The following GRID1 variants were observed in gnomAD, a reference collection of about 807,000 sequenced individuals.
GRID1 encodes glutamate receptor ionotropic, delta-1.
A neutral mutation model predicts 98.0 loss-of-function variants in GRID1; 28 were observed. The observed-to-expected ratio is 0.29, with a 90% CI of 0.21 to 0.39. The LOEUF is 0.39. Among genes scored for constraint, GRID1 ranks in the 10% least tolerant of loss-of-function variants. The pLI, the probability that GRID1 is intolerant of heterozygous loss-of-function variation, is 1.00. For synonymous variants in GRID1, 553 were observed against 538.5 expected, an observed-to-expected ratio of 1.03 and a Z score of -0.37; for missense variants, 1,111 against 1,340.5, an observed-to-expected ratio of 0.83 and a Z score of 2.67.
chr10:86,272,212 A>G (rs1245809640), intron 2 of GRID1, among the ~76,000 whole-genome samples: 1 of 152,208 alleles, frequency 6.6e-6, no homozygotes, highest in African/African-American at 2.4e-5. Flanking sequence ...GGAGAACGGC[A>G]GAGTAGACAG....
At chr10:86,138,782 C>A (rs759222268) in intron 4 of GRID1, 37 bp downstream of exon 4, 2 of 1,531,856 alleles carry the variant, frequency 1.3e-6, no homozygotes, top group South Asian at 2.2e-5. Context: ...GAGCCCTGGG[C>A]ACCAGGCCCC....
intron 5 of GRID1, among the ~76,000 whole-genome samples, chr10:85,885,305 A>T (rs570878518): frequency 6.6e-6 from 1 of 152,320 alleles, no homozygotes; most frequent in East Asian, 1.9e-4. Context: ...AAGGAAGGGG[A>T]TAAGATGTGA....
intron 5 of GRID1, among the ~76,000 whole-genome samples, chr10:85,898,502 T>C (rs1411317870): frequency 6.6e-6 from 1 of 152,226 alleles, no homozygotes; most frequent in East Asian, 1.9e-4. Flanking sequence ...ACTCCTATAG[T>C]AACACTTAGT....
At chr10:85,751,035 G>T (rs754476218) in intron 8 of GRID1, among the ~76,000 whole-genome samples, 1 of 152,200 alleles carries the variant, frequency 6.6e-6, no homozygotes, top group Non-Finnish European at 1.5e-5. Flanking sequence ...GATAGAAATA[G>T]AATGTGTTGG....
At chr10:86,112,698 T>G (rs940993371) in intron 4 of GRID1, among the ~76,000 whole-genome samples, 1 of 152,152 alleles carries the variant, frequency 6.6e-6, no homozygotes, top group African/African-American at 2.4e-5. Context: ...ACGGGCCTTC[T>G]CCACAACACA....
At position 85,613,561 on chromosome 10, in the gene GRID1, T is replaced by C. The variant is rs1395736642; in HGVS notation, c.2447A>G (p.His816Arg). 1 of 1,614,190 alleles carries C rather than the reference T, an allele frequency of 6.2e-7. No homozygotes were observed. Among genetic ancestry groups the C allele is most frequent in the African/African-American group, 1.3e-5 (1 of 75,078 alleles). ...PHMGRCDLTSHASAQADGKSL... is the reference protein window; with the variant it reads ...PHMGRCDLTSRASAQADGKSL... ...TTTGCCGTCGGCCTGGGCGCTGGCA[T>C]GGCTGGTGAGGTCACAGCGGCCCAT... Residue 816 changes from histidine (H) to arginine (R), a missense_variant, in exon 15 of 16, where the codon CAT (histidine) becomes CGT (arginine). Physicochemically the swap from His to Arg is conservative, Grantham distance 29. Transcript: ENST00000327946.
intron 4 of GRID1, among the ~76,000 whole-genome samples, chr10:85,999,074 G>A (rs147326957): frequency 0.012 from 1,794 of 152,224 alleles, 31 homozygotes; most frequent in African/African-American, 0.041. Flanking sequence ...CTAGCTGGAT[G>A]TGGTGGTGCA....
chr10:85,673,401 A>G (rs78062586), intron 12 of GRID1, among the ~76,000 whole-genome samples: 2,887 of 152,344 alleles, frequency 0.019, 97 homozygotes, highest in African/African-American at 0.067. Context: ...TTCTACTGTG[A>G]GTAAAATGGT....
chr10:86,364,028 G>A lies in GRID1; in HGVS notation c.148C>T (p.Leu50Phe), dbSNP rs768237086. The change falls in exon 2 of 16, where the codon CTC (leucine) becomes TTC (phenylalanine). Residue 50 changes from leucine to phenylalanine, a missense_variant. Around this residue, in one of 3 missense-constraint regions of GRID1, gnomAD observed 346 missense variants for 452.3 expected, o/e 0.76. Coordinates refer to ENST00000327946, the MANE Select transcript of GRID1 (RefSeq NM_017551.3). Reference sequence around the variant, plus strand: ...TCGCTCTGCAGGATGTCATCGTTGAGGCTCAGGTCGGATACCGCCAACTGG... The same window carrying A: ...TCGCTCTGCAGGATGTCATCGTTGAAGCTCAGGTCGGATACCGCCAACTGG... ...VFQLAVSDLS[L>F]NDDILQSEKI... is the part of the protein sequence containing the mutation. The A allele has an allele frequency of 6.2e-7, 1 of 1,613,728 alleles. No homozygotes were observed. Among genetic ancestry groups the A allele is most frequent in the South Asian group, 1.1e-5 (1 of 91,082 alleles).
At chr10:85,647,052 G>C (rs552212519) in intron 13 of GRID1, 150 bp downstream of exon 13, 14 of 682,798 alleles carry the variant, frequency 2.1e-5, no homozygotes, top group Non-Finnish European at 3.4e-5. Context: ...TTCTGAAAGG[G>C]CATCCACCTA....
chr10:85,993,883 T>C (rs528657687), intron 4 of GRID1, among the ~76,000 whole-genome samples: 303 of 149,784 alleles, frequency 2.0e-3, no homozygotes, highest in Non-Finnish European at 3.7e-3. Flanking sequence ...TCTCTGATGA[T>C]GTTCAGTAGA....
intron 2 of GRID1, among the ~76,000 whole-genome samples, chr10:86,312,152 A>T (rs1180413953): frequency 6.6e-6 from 1 of 152,224 alleles, no homozygotes; most frequent in African/African-American, 2.4e-5. Flanking sequence ...ATGTGGGTGA[A>T]AACAAGGCAA....
At chr10:85,818,507 GAAATAAGCCAGATACCAATA>G (rs1842735283) in intron 8 of GRID1, among the ~76,000 whole-genome samples, 1 of 152,148 alleles carries the variant, frequency 6.6e-6, no homozygotes, top group African/African-American at 2.4e-5. Flanking sequence ...AAATACCACT[GAAATAAGCCAGATACCAATA>G]AAATAAGCCA....
chr10:86,174,788 C>T (rs7910235), intron 3 of GRID1, among the ~76,000 whole-genome samples: 63,515 of 148,156 alleles, frequency 0.43, 16,645 homozygotes, highest in African/African-American at 0.73. Flanking sequence ...CTCAAACAAA[C>T]TTACAAGAAA....
chr10:86,184,533 T>G (rs769123107), intron 3 of GRID1, among the ~76,000 whole-genome samples: 2 of 151,938 alleles, frequency 1.3e-5, no homozygotes, highest in African/African-American at 2.4e-5. Context: ...TATTTATTCT[T>G]TCTTCACTGA....
At chr10:86,053,651 G>C (rs1055144114) in intron 4 of GRID1, among the ~76,000 whole-genome samples, 1 of 152,140 alleles carries the variant, frequency 6.6e-6, no homozygotes, top group Admixed American at 6.5e-5. Context: ...ACCATGCCTG[G>C]CCTTTACTGC....
At chr10:86,065,987 T>G (rs1843714661) in intron 4 of GRID1, among the ~76,000 whole-genome samples, 1 of 152,234 alleles carries the variant, frequency 6.6e-6, no homozygotes, top group South Asian at 2.1e-4. Context: ...CCTGACATTA[T>G]TTTAAATTCT....
intron 8 of GRID1, among the ~76,000 whole-genome samples, chr10:85,778,983 C>T (rs1842358457): frequency 6.6e-6 from 1 of 152,184 alleles, no homozygotes; most frequent in Non-Finnish European, 1.5e-5. Flanking sequence ...GAGAAGAAAG[C>T]AGCTATGAAG....
chr10:86,334,611 A>C (rs1195697562), intron 2 of GRID1, among the ~76,000 whole-genome samples: 2 of 152,218 alleles, frequency 1.3e-5, no homozygotes, highest in Non-Finnish European at 2.9e-5. Context: ...TATGCATAAG[A>C]AACTCCTACT....
Sources: allele counts gnomAD v4.1 joint callset (sites outside exome capture counted in the v4.1 genomes callset), GRCh38; gene constraint gnomAD v4.1.1; regional missense constraint gnomAD v4.1.1; transcripts MANE v1.5; gene names NCBI Gene and HGNC (gene_info 2026-07-23, HGNC 2026-07-21).